Variants in PSMD1 observed in about 807,000 individuals in gnomAD.
The protein encoded by PSMD1 is proteasome 26S subunit, non-ATPase 1.
In PSMD1, 18 loss-of-function variants were observed where a neutral mutation model predicts 119.0. The observed-to-expected ratio is 0.15, with a 90% CI of 0.10 to 0.22. PSMD1 has a LOEUF of 0.22. Ranked by LOEUF, PSMD1 falls within the 10% of genes least tolerant of loss-of-function variation. PSMD1 has a pLI of 1.00. For synonymous variants in PSMD1, 374 were observed against 396.6 expected (o/e 0.94, Z 0.68); for missense variants, 702 against 1,158.5 (o/e 0.61, Z 5.72).
chr2:231,167,120 C>T (rs1400137480), intron 23 of PSMD1, among the ~76,000 whole-genome samples: 1 of 152,156 alleles, frequency 6.6e-6, no homozygotes, highest in Admixed American at 6.6e-5. Context: ...ATCTGTAGCA[C>T]TGCCTGATCT....
chr2:231,068,681 T>A (rs1007304408), intron 5 of PSMD1, among the ~76,000 whole-genome samples: 2 of 152,218 alleles, frequency 1.3e-5, no homozygotes, highest in Non-Finnish European at 2.9e-5. Flanking sequence ...CTGTGTACAC[T>A]GCCTATTAGT....
rs1285270315 is a variant in PSMD1, at chr2:231,066,888, A to G, written c.305-18A>G. The G allele has an allele frequency of 8.3e-6, 13 of 1,558,954 alleles. No homozygotes were observed. The highest frequency in any genetic ancestry group is 1.0e-5 in the Non-Finnish European group (12 of 1,156,358). On this transcript the variant is annotated intron_variant, in intron 4 of 24. Transcript: ENST00000308696. ...AGCCCAATTTACAAGATAATCAGTT[A>G]TTTTATTTCCTCAACAGCAAAATGC...
intron 18 of PSMD1, among the ~76,000 whole-genome samples, chr2:231,150,955 A>G (rs534806413): frequency 3.3e-5 from 5 of 152,304 alleles, no homozygotes; most frequent in Admixed American, 3.3e-4. Context: ...CCTGATATCT[A>G]AGAGTGGGCT....
intron 17 of PSMD1, among the ~76,000 whole-genome samples, chr2:231,139,274 G>T (rs1318441597): frequency 6.6e-6 from 1 of 150,692 alleles, no homozygotes; most frequent in Non-Finnish European, 1.5e-5. Flanking sequence ...ACAGTGCTGG[G>T]ATTACAGGCA....
chr2:231,081,422 C>T (rs1288751923), intron 12 of PSMD1, among the ~76,000 whole-genome samples: 1 of 152,136 alleles, frequency 6.6e-6, no homozygotes, highest in African/African-American at 2.4e-5. Context: ...GGCTGATGAA[C>T]TAGTTCTCAC....
At chr2:231,142,541 G>A (rs116178198) in intron 17 of PSMD1, among the ~76,000 whole-genome samples, 3,406 of 152,040 alleles carry the variant, frequency 0.022, 139 homozygotes, top group African/African-American at 0.077. Flanking sequence ...TGAATGAAAA[G>A]TTTTTTTATT....
chr2:231,148,570 A>G (rs1696300289), intron 18 of PSMD1, among the ~76,000 whole-genome samples: 1 of 152,248 alleles, frequency 6.6e-6, no homozygotes, highest in African/African-American at 2.4e-5. Flanking sequence ...AAGTGAAGTC[A>G]CAGCTAGTAG....
intron 16 of PSMD1, among the ~76,000 whole-genome samples, chr2:231,094,463 G>C (rs1361581875): frequency 6.6e-6 from 1 of 152,152 alleles, no homozygotes; most frequent in African/African-American, 2.4e-5. Context: ...TGCACACAGG[G>C]TGGGCTCGAG....
intron 9 of PSMD1, 108 bp downstream of exon 9, chr2:231,077,270 A>G: frequency 6.8e-6 from 6 of 878,634 alleles, no homozygotes; most frequent in Non-Finnish European, 9.5e-6. Flanking sequence ...TTTATTTCCA[A>G]TTAAGGAAAA....
In PSMD1 at chr2:231,067,805, T is replaced by G. The variant is rs867419394; in HGVS notation, c.510+694T>G. On this transcript the variant is annotated intron_variant, in intron 5 of 24. Transcript: ENST00000308696. ...CTGAATAGCTGGGATTACAGGCGTG[T>G]GCCACCACACCCAGCTAATTTTTGT... is the stretch of plus-strand genomic sequence containing the variant. Among the ~76,000 whole-genome samples, 2 of 152,076 alleles carry G rather than the reference T, an allele frequency of 1.3e-5. 1 individual carries two copies. Among genetic ancestry groups the G allele is most frequent in the South Asian group, 4.1e-4 (2 of 4,824 alleles).
At chr2:231,167,635 G>A (rs1199937938) in intron 23 of PSMD1, among the ~76,000 whole-genome samples, 1 of 152,228 alleles carries the variant, frequency 6.6e-6, no homozygotes. Context: ...GGAAATTCCT[G>A]TCCAGTTGTT....
At chr2:231,123,947 A>G (rs190004452) in intron 16 of PSMD1, 13 of 615,292 alleles carry the variant, frequency 2.1e-5, no homozygotes, top group Non-Finnish European at 3.2e-5. Flanking sequence ...ACATCTGTCC[A>G]TGTTTGTAGG....
At chr2:231,065,564 GC>G (rs1337348729) in intron 4 of PSMD1, among the ~76,000 whole-genome samples, 3 of 152,018 alleles carry the variant, frequency 2.0e-5, no homozygotes, top group Non-Finnish European at 2.9e-5. Context: ...CTCCCAAAGT[GC>G]TGGGATTACA....
intron 16 of PSMD1, among the ~76,000 whole-genome samples, chr2:231,104,914 C>G (rs1402487621): frequency 1.3e-5 from 2 of 152,098 alleles, no homozygotes; most frequent in African/African-American, 4.8e-5. Flanking sequence ...TTTTTCCCCC[C>G]TTTAGATTTC....
intron 20 of PSMD1, among the ~76,000 whole-genome samples, chr2:231,162,135 C>T (rs1696654994): frequency 6.6e-6 from 1 of 152,170 alleles, no homozygotes; most frequent in Admixed American, 6.5e-5. Context: ...TAAGGCACTG[C>T]GTGCCCTGTC....
At chr2:231,127,385 T>G (rs1695751707) in intron 16 of PSMD1, among the ~76,000 whole-genome samples, 1 of 152,062 alleles carries the variant, frequency 6.6e-6, no homozygotes, top group Admixed American at 6.6e-5. Flanking sequence ...GACAGAGCCT[T>G]CCTCTGTCAC....
intron 17 of PSMD1, among the ~76,000 whole-genome samples, chr2:231,144,225 C>T (rs1696198757): frequency 1.3e-5 from 2 of 150,714 alleles, no homozygotes; most frequent in African/African-American, 2.4e-5. Flanking sequence ...CCCAACCTTA[C>T]GCTAATATTT....
In PSMD1 at chr2:231,066,874, C is replaced by T. The variant is rs966898116; in HGVS notation, c.305-32C>T. ...CTTTCTGATAGTTTAGCCCAATTTA[C>T]AAGATAATCAGTTATTTTATTTCCT... On this transcript the variant is annotated intron_variant, in intron 4 of 24. Coordinates refer to ENST00000308696, the MANE Select transcript of PSMD1 (RefSeq NM_002807.4). 7 of 1,518,278 alleles carry T rather than the reference C, an allele frequency of 4.6e-6. No individual in the cohort carries two copies. The Admixed American group carries it at 1.3e-4, about 28-fold the overall frequency. 94.1% of individuals were successfully genotyped at this position (1,518,278 alleles called of 1,614,324 possible).
chr2:231,101,787 G>C (rs1192870876), intron 16 of PSMD1, among the ~76,000 whole-genome samples: 1 of 152,136 alleles, frequency 6.6e-6, no homozygotes, highest in African/African-American at 2.4e-5. Context: ...GGGCTCAGAT[G>C]GTCGGTGGCA....
Sources: allele counts gnomAD v4.1 joint callset (sites outside exome capture counted in the v4.1 genomes callset), GRCh38; gene constraint gnomAD v4.1.1; transcripts MANE v1.5; gene names NCBI Gene and HGNC (gene_info 2026-07-23, HGNC 2026-07-21).